The following GFRA4 variants were observed in gnomAD, a reference collection of about 807,000 sequenced individuals.
GFRA4 encodes GDNF family receptor alpha-4.
GFRA4 carries 31 observed loss-of-function variants against 28.5 expected under a neutral mutation model. The observed-to-expected ratio is 1.09, with a 90% CI of 0.82 to 1.47. The LOEUF (loss-of-function observed/expected upper bound fraction) is 1.47, where lower values mean the gene tolerates loss of function less well. GFRA4 is among the 40% of genes most tolerant of loss of function. GFRA4 has a pLI of 0.00. For missense variants in GFRA4, 389 were observed against 413.2 expected (o/e 0.94, Z 0.51); for synonymous variants, 188 against 188.0 (o/e 1.00, Z 0.00).
chr20:3,662,472 C>T (rs765878306), intron 1 of GFRA4, among the ~76,000 whole-genome samples: 5 of 68,212 alleles, frequency 7.3e-5, no homozygotes, highest in South Asian at 5.8e-4. Flanking sequence ...ACAGGGGCTA[C>T]GGGGTGGTAT....
rs773161894 is a variant in GFRA4 at position 3,660,224 on chromosome 20, G to C, written c.663C>G (p.Ser221Arg). 6.2e-7 allele frequency: 1 copy of C among 1,605,640 alleles called. No individual in the cohort carries two copies. The highest frequency in any genetic ancestry group is 2.2e-5 in the East Asian group (1 of 44,784). Residue 221 changes from serine to arginine, a missense_variant, in exon 5 of 6, where the codon AGC (serine) becomes AGG (arginine). Ser to Arg is a moderately radical substitution (Grantham distance 110). Coordinates refer to ENST00000290417, the MANE Select transcript of GFRA4 (RefSeq NM_022139.4). ...CLDGAIQAFA[S>R]GWPPVLLDQL... Reference sequence around the variant, plus strand: ...GGTCCAGCAGGACTGGGGGCCACCCGCTGGCAAAGGCCTGAATGGCACCAT... The same window carrying C: ...GGTCCAGCAGGACTGGGGGCCACCCCCTGGCAAAGGCCTGAATGGCACCAT...
At position 3,660,182 on chromosome 20, in the gene GFRA4, T is replaced by TC. The variant is rs752767048; in HGVS notation, c.704dup (p.Asp236ArgfsTer97). The stretch of plus-strand genomic sequence containing the variant: ...CCTGCAGGAGGCTGTGCTCCGGGTC[T>TC]CCCTGGGGGTTCAGCTGGTCCAGCA... On this transcript the variant is annotated frameshift_variant, in exon 5 of 6. Coordinates refer to ENST00000290417, the MANE Select transcript of GFRA4 (RefSeq NM_022139.4). LOFTEE classifies it low-confidence loss of function (END_TRUNC). The TC allele has an allele frequency of 3.9e-5, 63 of 1,596,516 alleles. No individual in the cohort carries two copies. The highest frequency in any genetic ancestry group is 5.0e-5 in the Non-Finnish European group (59 of 1,172,962).
At chr20:3,660,386 T>C in intron 4 of GFRA4, 137 bp from the exon 5 acceptor site, 2 of 1,079,286 alleles carry the variant, frequency 1.9e-6, no homozygotes, top group Non-Finnish European at 2.7e-6. Context: ...AATAACAAAA[T>C]AATAAGCACA....
intron 1 of GFRA4, among the ~76,000 whole-genome samples, chr20:3,662,646 G>A (rs1183441402): frequency 2.6e-5 from 4 of 152,212 alleles, no homozygotes; most frequent in Non-Finnish European, 5.9e-5. Context: ...CCTGAGTGGA[G>A]GGGATAGATG....
Position 3,659,393 on chromosome 20 carries a change from T to C in GFRA4, c.*516A>G. On this transcript the variant is annotated 3_prime_UTR_variant, in exon 6 of 6. Transcript: ENST00000290417. ...AGCATATGGGGAACAGGAAAGACTC[T>C]GCCAGCATGGTCATGGCGCACAGGT... 6.2e-6 allele frequency: 1 copy of C among 161,282 alleles called. No individual in the cohort carries two copies. The highest frequency in any genetic ancestry group is 1.4e-5 in the Non-Finnish European group (1 of 73,252). The allele number at this position is 161,282 out of a possible 1,614,324, so 10.0% of individuals were successfully genotyped here.
chr20:3,663,096 A>G lies in GFRA4; in HGVS notation c.46+258T>C, dbSNP rs545687727. On this transcript the variant is annotated intron_variant, in intron 1 of 5. Transcript: ENST00000290417. ...TGGGAGATGGCAGACAATAGGCAAA[A>G]GTTCCTGGGGCACGGGTGCCAAGGC... Among the ~76,000 whole-genome samples, 58 of 152,164 alleles carry G rather than the reference A, an allele frequency of 3.8e-4. 2 individuals carry two copies. The South Asian group carries it at 9.4e-3, about 25-fold the overall frequency.
In GFRA4 at chr20:3,661,245, C is replaced by T. The variant is rs955872618; in HGVS notation, c.91G>A (p.Glu31Lys). Reference sequence around the variant, plus strand: ...CACCGCGCGTCCGCCGTGCAGGCTTCGGCCGCGTCCACACATCGGTTCCCT... The same window carrying T: ...CACCGCGCGTCCGCCGTGCAGGCTTTGGCCGCGTCCACACATCGGTTCCCT... ...VGGNRCVDAA[E>K]ACTADARCQR... Residue 31 changes from glutamate to lysine, a missense_variant, in exon 2 of 6, where the codon GAA becomes AAA. Physicochemically the swap from Glu to Lys is moderately conservative, Grantham distance 56 (BLOSUM62 1). Transcript: ENST00000290417. 4 of 1,500,154 alleles carry T rather than the reference C, an allele frequency of 2.7e-6. No individual in the cohort carries two copies. Among genetic ancestry groups the T allele is most frequent in the South Asian group, 2.5e-5 (2 of 81,596 alleles). The allele number at this position is 1,500,154 out of a possible 1,614,324, so 92.9% of individuals were successfully genotyped here.
Position 3,661,277 on chromosome 20 carries a change from G to T in GFRA4, c.59C>A (p.Ser20Ter). 1 of 1,473,222 alleles carries T rather than the reference G, an allele frequency of 6.8e-7. No individual in the cohort carries two copies. The highest frequency in any genetic ancestry group is 8.9e-7 in the Non-Finnish European group (1 of 1,118,994). The allele number at this position is 1,473,222 out of a possible 1,614,324, so 91.3% of individuals were successfully genotyped here. The change falls in exon 2 of 6, where the codon TCG becomes TAG. Residue 20 changes from serine to a stop codon, truncating the protein, a stop_gained. Transcript: ENST00000290417. LOFTEE classifies it high-confidence loss of function. ...LLLLLLGSASSVGGNRCVDAA... is the reference protein window; with the variant it reads ...LLLLLLGSAS ...GTCCACACATCGGTTCCCTCCGACC[G>T]AGCTCGCCGACCCTGGGAAAGGCGC... is the stretch of plus-strand genomic sequence containing the variant.
chr20:3,663,047 G>C (rs2087239597), intron 1 of GFRA4, among the ~76,000 whole-genome samples: 1 of 152,202 alleles, frequency 6.6e-6, no homozygotes, highest in African/African-American at 2.4e-5. Flanking sequence ...AGGAGGGCTG[G>C]GGCTGAGGGG....
intron 4 of GFRA4, 45 bp from the exon 5 acceptor site, chr20:3,660,294 G>A (rs2146337361): frequency 1.3e-6 from 2 of 1,488,794 alleles, no homozygotes; most frequent in East Asian, 2.3e-5. Flanking sequence ...GGAAACCCTA[G>A]CACAGGGCTC....
chr20:3,662,374 T>C (rs1326041893), intron 1 of GFRA4, among the ~76,000 whole-genome samples: 3 of 152,154 alleles, frequency 2.0e-5, no homozygotes, highest in Non-Finnish European at 4.4e-5. Context: ...GTCTGGAGCA[T>C]CTCATTCAGA....
chr20:3,659,574 G>C lies in GFRA4; in HGVS notation c.*335C>G. The C allele has an allele frequency of 2.6e-6, 1 of 381,022 alleles. No individual in the cohort carries two copies. The highest frequency in any genetic ancestry group is 4.8e-6 in the Non-Finnish European group (1 of 207,726). 23.6% of individuals were successfully genotyped at this position (381,022 alleles called of 1,614,324 possible). A position where few individuals can be genotyped will look rare whatever the true frequency, so the allele number is the denominator to read the frequency against. ...TCTCTGACCTGCTCTAGGGGATCTG[G>C]GTCTCCAGAGAGGTCTCAGCTACAA... is the stretch of plus-strand genomic sequence containing the variant. On this transcript the variant is annotated 3_prime_UTR_variant, in exon 6 of 6. Transcript: ENST00000290417.
rs564350488 is a variant in GFRA4 at position 3,660,271 on chromosome 20, G to A, written c.638-22C>T. On this transcript the variant is annotated intron_variant, in intron 4 of 5. Coordinates refer to ENST00000290417, the MANE Select transcript of GFRA4 (RefSeq NM_022139.4). ...CCATCTATGGAGGGAGGGGTCCAGG[G>A]TGGACTTAGCTGGGAAACCCTAGCA... The A allele has an allele frequency of 6.3e-6, 10 of 1,581,192 alleles. No individual in the cohort carries two copies. The African/African-American group carries it at 1.1e-4, about 17-fold the overall frequency.
Position 3,659,424 on chromosome 20 carries a change from C to T in GFRA4, c.*485G>A, listed in dbSNP as rs887597622. On this transcript the variant is annotated 3_prime_UTR_variant, in exon 6 of 6. Transcript: ENST00000290417. Reference sequence around the variant, plus strand: ...CATGGTCATGGCGCACAGGTGGCTACAATGGTGGGTAATGCCCAGTTGGGA... The same window carrying T: ...CATGGTCATGGCGCACAGGTGGCTATAATGGTGGGTAATGCCCAGTTGGGA... 2.4e-5 allele frequency: 4 copies of T among 166,600 alleles called. No homozygotes were observed. Among genetic ancestry groups the T allele is most frequent in the African/African-American group, 9.6e-5 (4 of 41,504 alleles). The allele number at this position is 166,600 out of a possible 1,614,324, so 10.3% of individuals were successfully genotyped here.
rs930149321 is a variant in GFRA4 at position 3,661,149 on chromosome 20, G to T, written c.187C>A (p.Arg63Ser). 33 of 1,336,626 alleles carry T rather than the reference G, an allele frequency of 2.5e-5. No individual in the cohort carries two copies. The highest frequency in any genetic ancestry group is 2.8e-5 in the Non-Finnish European group (29 of 1,051,210). 82.8% of individuals were successfully genotyped at this position (1,336,626 alleles called of 1,614,324 possible). A position where few individuals can be genotyped will look rare whatever the true frequency, so the allele number is the denominator to read the frequency against. The change falls in exon 2 of 6, where the codon CGC (arginine) becomes AGC (serine). Residue 63 changes from arginine (R) to serine (S), a missense_variant. Coordinates refer to ENST00000290417, the MANE Select transcript of GFRA4 (RefSeq NM_022139.4). ...RAAQGGCPRA[R>S]CRRALRRFFA... ...AAGCGGCGCAGGGCCCGGCGGCAGC[G>T]GGCGCGGGGACAGCCCCCCTGCGCA...
At chr20:3,660,365 G>T in intron 4 of GFRA4, 116 bp from the exon 5 acceptor site, 1 of 1,061,134 alleles carries the variant, frequency 9.4e-7, no homozygotes, top group Non-Finnish European at 1.4e-6. Context: ...GACAGAAGGT[G>T]TGTGGTGAGG....
At chr20:3,660,327 A>G in intron 4 of GFRA4, 78 bp from the exon 5 acceptor site, 1 of 1,247,244 alleles carries the variant, frequency 8.0e-7, no homozygotes, top group Middle Eastern at 1.9e-4. Flanking sequence ...AAAGTGAGAG[A>G]CCCCCTGCTG....
At position 3,660,195 on chromosome 20, in the gene GFRA4, A is replaced by G. The variant is rs545460535; in HGVS notation, c.692T>C (p.Leu231Pro). ...SGWPPVLLDQ[L>P]NPQGDPEHSL... ...GTGCTCCGGGTCTCCCTGGGGGTTC[A>G]GCTGGTCCAGCAGGACTGGGGGCCA... Residue 231 changes from leucine to proline, a missense_variant, in exon 5 of 6, where the codon CTG (leucine) becomes CCG (proline). Transcript: ENST00000290417. 17 of 1,601,824 alleles carry G rather than the reference A, an allele frequency of 1.1e-5. 1 individual carries two copies. In the South Asian group the frequency reaches 1.8e-4, roughly 17 times the overall value.
rs1487010261 is a variant in GFRA4 at position 3,659,372 on chromosome 20, T to C, written c.*537A>G. The C allele has an allele frequency of 6.3e-6, 1 of 158,348 alleles. No homozygotes were observed. Among genetic ancestry groups the C allele is most frequent in the Non-Finnish European group, 1.4e-5 (1 of 71,794 alleles). 9.8% of individuals were successfully genotyped at this position (158,348 alleles called of 1,614,324 possible). A position where few individuals can be genotyped will look rare whatever the true frequency, so the allele number is the denominator to read the frequency against. Reference sequence around the variant, plus strand: ...ACAGGGTGGGGCCCCTCAAGCAGCATATGGGGAACAGGAAAGACTCTGCCA... The same window carrying C: ...ACAGGGTGGGGCCCCTCAAGCAGCACATGGGGAACAGGAAAGACTCTGCCA... On this transcript the variant is annotated 3_prime_UTR_variant, in exon 6 of 6. Coordinates refer to ENST00000290417, the MANE Select transcript of GFRA4 (RefSeq NM_022139.4).
Sources: allele counts gnomAD v4.1 joint callset (sites outside exome capture counted in the v4.1 genomes callset), GRCh38; gene constraint gnomAD v4.1.1; transcripts MANE v1.5; gene names NCBI Gene and HGNC (gene_info 2026-07-23, HGNC 2026-07-21).